The following WDR27 variants were observed in gnomAD, a reference collection of about 807,000 sequenced individuals.
WDR27 encodes the protein WD repeat domain 27, also known as WD repeat-containing protein 27.
WDR27 carries 100 observed loss-of-function variants against 114.4 expected under a neutral mutation model. The observed-to-expected ratio is 0.87, with a 90% CI of 0.74 to 1.03. WDR27 has a LOEUF of 1.03. WDR27 is among the 50% of genes least tolerant of loss of function. The pLI is 0.00. For missense variants in WDR27, 1,129 were observed against 1,092.9 expected (o/e 1.03, Z -0.47); for synonymous variants, 449 against 423.1 (o/e 1.06, Z -0.75).
At chr6:169,515,308 C>T (rs912933759) in intron 25 of WDR27, among the ~76,000 whole-genome samples, 2 of 151,978 alleles carry the variant, frequency 1.3e-5, no homozygotes, top group Non-Finnish European at 2.9e-5. Context: ...GTGTGCTATT[C>T]GTAGCAAGTT....
intron 23 of WDR27, among the ~76,000 whole-genome samples, chr6:169,583,532 CACACACACAT>C (rs1803971380): frequency 1.4e-5 from 2 of 146,034 alleles, no homozygotes; most frequent in African/African-American, 5.1e-5. Flanking sequence ...CACACACACA[CACACACACAT>C]AAAATTCTGG....
chr6:169,578,395 G>A (rs9396977), intron 24 of WDR27, among the ~76,000 whole-genome samples: 27 of 152,200 alleles, frequency 1.8e-4, no homozygotes, highest in Non-Finnish European at 2.9e-4. Context: ...TTGCAAACAC[G>A]GCCTAGGTTT....
At chr6:169,446,671 C>T in the WDR27 span, among the ~76,000 whole-genome samples, 4 of 152,218 alleles carry the variant, frequency 2.6e-5, no homozygotes, top group Non-Finnish European at 5.9e-5. Context: ...CAAAGGTCTA[C>T]TCAAACTTTA....
At position 169,660,733 on chromosome 6, in the gene WDR27, G is replaced by C. The variant is rs368743714; in HGVS notation, c.1059C>G (p.Ile353Met). 12 of 1,613,656 alleles carry C rather than the reference G, an allele frequency of 7.4e-6. No homozygotes were observed. The highest frequency in any genetic ancestry group is 2.5e-6 in the Non-Finnish European group (3 of 1,179,858). Residue 353 changes from isoleucine (I) to methionine (M), a missense_variant, in exon 10 of 26, where the codon ATC becomes ATG. Physicochemically the swap from Ile to Met is conservative, Grantham distance 10. Coordinates refer to ENST00000448612, the MANE Select transcript of WDR27 (RefSeq NM_182552.5). ...LSSENTRCVW[I>M]GSSVGLFVFN... ...ATACGAATAAGCCCACTGAGCTTCC[G>C]ATCCACACACATCGGGTGTTCTCAG...
At chr6:169,621,500 CCACACATGCATTCACACATATACATACA>C (rs1471916465) in intron 21 of WDR27, among the ~76,000 whole-genome samples, 1 of 150,158 alleles carries the variant, frequency 6.7e-6, no homozygotes, top group Non-Finnish European at 1.5e-5. Flanking sequence ...ATATACATAC[CCACACATGCATTCACACATATACATACA>C]CACACACGCA....
chr6:169,505,237 T>A (rs1201699923), intron 25 of WDR27, among the ~76,000 whole-genome samples: 1 of 152,190 alleles, frequency 6.6e-6, no homozygotes, highest in Non-Finnish European at 1.5e-5. Flanking sequence ...CAATCAGAAA[T>A]CACTTGCTAA....
intron 25 of WDR27, among the ~76,000 whole-genome samples, chr6:169,510,344 T>A (rs9282987): frequency 6.6e-6 from 1 of 151,782 alleles, no homozygotes; most frequent in African/African-American, 2.4e-5. Flanking sequence ...ATGTTTATTG[T>A]GGCACTATTC....
intron 22 of WDR27, among the ~76,000 whole-genome samples, chr6:169,611,040 T>C (rs77941791): frequency 0.022 from 3,398 of 152,168 alleles, 76 homozygotes; most frequent in East Asian, 0.088. Flanking sequence ...CCAAAAACTA[T>C]TGAAATAAAA....
At chr6:169,600,356 G>C (rs1039819850) in intron 23 of WDR27, among the ~76,000 whole-genome samples, 1 of 152,122 alleles carries the variant, frequency 6.6e-6, no homozygotes, top group African/African-American at 2.4e-5. Flanking sequence ...AAACCACAAA[G>C]ATGGGGAAAA....
At chr6:169,596,701 G>A (rs2494676) in intron 23 of WDR27, among the ~76,000 whole-genome samples, 68,466 of 151,756 alleles carry the variant, frequency 0.45, 19,524 homozygotes, top group Non-Finnish European at 0.64. Flanking sequence ...AGAGAAGATA[G>A]GTAATTTGGA....
At chr6:169,678,046 CA>C (rs1236649935) in intron 2 of WDR27, among the ~76,000 whole-genome samples, 1 of 152,220 alleles carries the variant, frequency 6.6e-6, no homozygotes, top group South Asian at 2.1e-4. Context: ...GTGCCAATGC[CA>C]AGGGGAAATG....
At position 169,613,710 on chromosome 6, in the gene WDR27, C is replaced by T. The variant is rs372677374; in HGVS notation, c.2224-54G>A. ...TACTTTCAAAGGTTGAGTTAATAAGCGTTATGCTAATGATATCTCATAATA... is the reference window on the plus strand; with the variant it reads ...TACTTTCAAAGGTTGAGTTAATAAGTGTTATGCTAATGATATCTCATAATA... On this transcript the variant is annotated intron_variant, in intron 21 of 25. Transcript: ENST00000448612. The T allele has an allele frequency of 1.4e-4, 202 of 1,457,600 alleles. No homozygotes were observed. In the South Asian group the frequency reaches 1.4e-3, roughly 10 times the overall value. 90.3% of individuals were successfully genotyped at this position (1,457,600 alleles called of 1,614,324 possible).
the WDR27 span, chr6:169,426,523 G>T: frequency 6.6e-6 from 1 of 152,058 alleles, no homozygotes; most frequent in South Asian, 2.1e-4. Flanking sequence ...CTATAAAATT[G>T]ATATCTGAGC....
chr6:169,648,631 T>C (rs749235504), intron 15 of WDR27, among the ~76,000 whole-genome samples: 4 of 152,278 alleles, frequency 2.6e-5, no homozygotes, highest in Non-Finnish European at 5.9e-5. Context: ...TAGACCCATG[T>C]ACGTTAAAAT....
chr6:169,670,742 T>C (rs1408391829), intron 3 of WDR27, 49 bp from the exon 4 acceptor site: 1 of 1,607,960 alleles, frequency 6.2e-7, no homozygotes, highest in Admixed American at 1.7e-5. Context: ...GCATTCAGCA[T>C]TACATTAATC....
intron 8 of WDR27, among the ~76,000 whole-genome samples, chr6:169,662,699 G>A (rs1826605532): frequency 6.9e-6 from 1 of 144,130 alleles, no homozygotes; most frequent in Non-Finnish European, 1.5e-5. Context: ...AAAGCACTAG[G>A]GTAACACCCA....
chr6:169,448,434 A>AT, the WDR27 span, among the ~76,000 whole-genome samples: 191 of 150,620 alleles, frequency 1.3e-3, no homozygotes, highest in Middle Eastern at 0.021. Flanking sequence ...ATATATATAT[A>AT]TTTTTTTACT....
At chr6:169,690,348 T>C (rs937054521) in intron 1 of WDR27, among the ~76,000 whole-genome samples, 2 of 152,224 alleles carry the variant, frequency 1.3e-5, no homozygotes, top group Non-Finnish European at 2.9e-5. Flanking sequence ...TGCCTTTCTC[T>C]TCCTCTTCTC....
chr6:169,543,612 T>C (rs1797091505), intron 25 of WDR27, among the ~76,000 whole-genome samples: 1 of 152,182 alleles, frequency 6.6e-6, no homozygotes. Context: ...AATGGCATGA[T>C]TTTATATTTT....
Sources: gnomAD v4.1 joint callset for allele counts (sites outside exome capture counted in the v4.1 genomes callset) on GRCh38, gnomAD v4.1.1 for gene constraint, MANE v1.5 for transcripts, NCBI Gene and HGNC (gene_info 2026-07-23, HGNC 2026-07-21) for gene names.